ELAPOR1: variants seen among roughly 807,000 people sequenced by gnomAD.
ELAPOR1 encodes endosome-lysosome associated apoptosis and autophagy regulator 1.
A neutral mutation model predicts 119.7 loss-of-function variants in ELAPOR1; 77 were observed. The ratio of observed to expected loss-of-function variants is 0.64; its 90% CI spans 0.54 to 0.78. The LOEUF (loss-of-function observed/expected upper bound fraction) is 0.78, where lower values mean the gene tolerates loss of function less well. ELAPOR1 is among the 30% of genes least tolerant of loss of function. The probability of loss-of-function intolerance (pLI) is 0.00; values close to 1 mark genes in which losing one functional copy is unlikely to be tolerated. For missense variants in ELAPOR1, 1,115 were observed against 1,270.4 expected (o/e 0.88, Z 1.86); for synonymous variants, 481 against 487.2 (o/e 0.99, Z 0.17).
chr1:109,165,183 T>G (rs761919758), intron 3 of ELAPOR1, among the ~76,000 whole-genome samples: 1 of 152,108 alleles, frequency 6.6e-6, no homozygotes. Flanking sequence ...TCCCAGCTAC[T>G]CGAGAGGCTG....
At position 109,135,201 on chromosome 1, in the gene ELAPOR1, T is replaced by C. The variant is rs569071917; in HGVS notation, c.153+20865T>C. 7.2e-5 allele frequency among the ~76,000 whole-genome samples: 11 copies of C among 152,274 alleles called. No homozygotes were observed. The South Asian group carries it at 2.1e-3, about 29-fold the overall frequency. ...CAGATTGGTAGGCCTACTCCAGAGATTCTGATTCAATGGGTCAGTGAGAGA... is the reference window on the plus strand; with the variant it reads ...CAGATTGGTAGGCCTACTCCAGAGACTCTGATTCAATGGGTCAGTGAGAGA... On this transcript the variant is annotated intron_variant, in intron 1 of 21. Transcript: ENST00000369939.
chr1:109,192,672 ATGGTG>A lies in ELAPOR1; in HGVS notation c.1749_1753del (p.Val584LeufsTer12), dbSNP rs759016594. The A allele has an allele frequency of 6.2e-7, 1 of 1,614,050 alleles. No homozygotes were observed. Among genetic ancestry groups the A allele is most frequent in the South Asian group, 1.1e-5 (1 of 91,074 alleles). On this transcript the variant is annotated frameshift_variant, in exon 14 of 22. Coordinates refer to ENST00000369939, the MANE Select transcript of ELAPOR1 (RefSeq NM_020775.5). LOFTEE classifies it high-confidence loss of function. ...TCCATCAATGTCACCAATGTTATGAATGGTGTGGCCTCCTACTGCCGTCCCTGTGC... is the reference window on the plus strand; with the variant it reads ...TCCATCAATGTCACCAATGTTATGAATGGCCTCCTACTGCCGTCCCTGTGC...
intron 1 of ELAPOR1, among the ~76,000 whole-genome samples, chr1:109,158,718 C>A (rs1651050035): frequency 6.6e-6 from 1 of 152,052 alleles, no homozygotes; most frequent in Non-Finnish European, 1.5e-5. Context: ...TTATGTGCTC[C>A]TTTGTAGACC....
chr1:109,134,462 C>A (rs1019366383), intron 1 of ELAPOR1, among the ~76,000 whole-genome samples: 2 of 152,118 alleles, frequency 1.3e-5, no homozygotes, highest in Non-Finnish European at 2.9e-5. Flanking sequence ...GCCACCAAGA[C>A]CCCCAAGAAG....
At chr1:109,165,621 A>G (rs934901102) in intron 3 of ELAPOR1, among the ~76,000 whole-genome samples, 9 of 151,678 alleles carry the variant, frequency 5.9e-5, no homozygotes, top group Non-Finnish European at 1.3e-4. Context: ...AACAAAAACC[A>G]AAAAAACCAA....
intron 1 of ELAPOR1, among the ~76,000 whole-genome samples, chr1:109,119,733 A>T (rs1182792183): frequency 1.3e-5 from 2 of 152,074 alleles, no homozygotes; most frequent in Non-Finnish European, 2.9e-5. Flanking sequence ...GTTAATAGAC[A>T]TTTGGGTTTC....
intron 3 of ELAPOR1, among the ~76,000 whole-genome samples, chr1:109,169,252 T>A (rs185343320): frequency 6.6e-6 from 1 of 152,294 alleles, no homozygotes; most frequent in East Asian, 1.9e-4. Flanking sequence ...TTATTATTAT[T>A]ATTTTGATAT....
chr1:109,124,638 A>G lies in ELAPOR1; in HGVS notation c.153+10302A>G, dbSNP rs1304283899. 2.0e-5 allele frequency among the ~76,000 whole-genome samples: 3 copies of G among 152,074 alleles called. No individual in the cohort carries two copies. The East Asian group carries it at 5.8e-4, about 29-fold the overall frequency. Reference sequence around the variant, plus strand: ...ATTTCATATTGTTCCCTATTTCTCCATTTATCTTTTGGAGAAATTGCATCA... The same window carrying G: ...ATTTCATATTGTTCCCTATTTCTCCGTTTATCTTTTGGAGAAATTGCATCA... On this transcript the variant is annotated intron_variant, in intron 1 of 21. Coordinates refer to ENST00000369939, the MANE Select transcript of ELAPOR1 (RefSeq NM_020775.5).
rs749910787 is a variant in ELAPOR1 at position 109,192,613 on chromosome 1, C to A, written c.1686C>A (p.Ser562Arg). ...CCCTCTTGTTTCCTTGTCTCCAGAG[C>A]AGGAAGTACACCAATGACGTTGCCA... ...AFQRTTFHEA[S>R]RKYTNDVAKI... Residue 562 changes from serine (S) to arginine (R), a missense_variant and splice_region_variant, in exon 14 of 22, where the codon AGC becomes AGA. Physicochemically the swap from Ser to Arg is moderately radical, Grantham distance 110. Transcript: ENST00000369939. The A allele has an allele frequency of 2.4e-5, 39 of 1,613,868 alleles. No homozygotes were observed. The highest frequency in any genetic ancestry group is 3.1e-5 in the Non-Finnish European group (37 of 1,179,916).
Position 109,189,675 on chromosome 1 carries a change from G to A in ELAPOR1, c.1432G>A (p.Gly478Arg), listed in dbSNP as rs976467423. 1 of 1,613,856 alleles carries A rather than the reference G, an allele frequency of 6.2e-7. No homozygotes were observed. Among genetic ancestry groups the A allele is most frequent in the Non-Finnish European group, 8.5e-7 (1 of 1,179,794 alleles). The change falls in exon 11 of 22, where the codon GGA becomes AGA. Residue 478 changes from glycine to arginine, a missense_variant. Coordinates refer to ENST00000369939, the MANE Select transcript of ELAPOR1 (RefSeq NM_020775.5). ...CATGATTCTCACTCTGGTTGTGCCA[G>A]GATTTAGGTGAGGAATCCAAAGCCC... ...DFMILTLVVP[G>R]FRPPQSVMAD...
rs1432727394 is a variant in ELAPOR1, at chr1:109,121,774, T to A, written c.153+7438T>A. Reference sequence around the variant, plus strand: ...GAGGTCTTCTTTGCCTGTGTATTACTTTTTTTTTTTTTTTTTTGAGACAGA... The same window carrying A: ...GAGGTCTTCTTTGCCTGTGTATTACATTTTTTTTTTTTTTTTTGAGACAGA... On this transcript the variant is annotated intron_variant, in intron 1 of 21. Coordinates refer to ENST00000369939, the MANE Select transcript of ELAPOR1 (RefSeq NM_020775.5). 4.0e-4 allele frequency among the ~76,000 whole-genome samples: 30 copies of A among 74,430 alleles called. 1 individual carries two copies. Among genetic ancestry groups the A allele is most frequent in the Middle Eastern group, 0.013 (2 of 154 alleles). 48.8% of individuals were successfully genotyped at this position (74,430 alleles called of 152,430 possible). A position where few individuals can be genotyped will look rare whatever the true frequency, so the allele number is the denominator to read the frequency against.
chr1:109,188,724 G>A (rs1412331610), intron 9 of ELAPOR1, among the ~76,000 whole-genome samples: 1 of 152,188 alleles, frequency 6.6e-6, no homozygotes, highest in East Asian at 1.9e-4. Flanking sequence ...GCCTTGGGGG[G>A]ATTTGAGTAC....
At position 109,144,061 on chromosome 1, in the gene ELAPOR1, A is replaced by ATATATATATATTTTTTTT; in HGVS notation, c.154-17832_154-17831insATATATATATTTTTTTTT. On this transcript the variant is annotated intron_variant, in intron 1 of 21. Coordinates refer to ENST00000369939, the MANE Select transcript of ELAPOR1 (RefSeq NM_020775.5). ...TATATATATATATATATATTTATAT[A>ATATATATATATTTTTTTT]TTTTTTTTTTTTTTTGAGATGGAGT... Among the ~76,000 whole-genome samples, 23 of 88,984 alleles carry ATATATATATATTTTTTTT rather than the reference A, an allele frequency of 2.6e-4. 1 individual carries two copies. Among genetic ancestry groups the ATATATATATATTTTTTTT allele is most frequent in the Non-Finnish European group, 4.2e-4 (20 of 47,398 alleles). The allele number at this position is 88,984 out of a possible 152,430, so 58.4% of individuals were successfully genotyped here. A position where few individuals can be genotyped will look rare whatever the true frequency, so the allele number is the denominator to read the frequency against.
chr1:109,170,666 C>T (rs1397474496), intron 3 of ELAPOR1, among the ~76,000 whole-genome samples: 1 of 152,162 alleles, frequency 6.6e-6, no homozygotes, highest in Admixed American at 6.5e-5. Context: ...ATCCTAAGGG[C>T]CACAGGGAGT....
chr1:109,123,007 A>G (rs921981982), intron 1 of ELAPOR1, among the ~76,000 whole-genome samples: 9 of 152,184 alleles, frequency 5.9e-5, no homozygotes, highest in African/African-American at 1.7e-4. Context: ...TTATTGTCTT[A>G]AACAGGACCC....
intron 7 of ELAPOR1, among the ~76,000 whole-genome samples, chr1:109,179,749 T>C (rs1652583095): frequency 6.6e-6 from 1 of 151,542 alleles, no homozygotes; most frequent in South Asian, 2.1e-4. Context: ...CTACTAGAAA[T>C]ACAAAAATTA....
intron 1 of ELAPOR1, among the ~76,000 whole-genome samples, chr1:109,137,527 T>A (rs1192817810): frequency 6.7e-6 from 1 of 148,426 alleles, no homozygotes; most frequent in East Asian, 2.0e-4. Context: ...TTATTTATTT[T>A]ATTTTATTTT....
rs1654462169 is a variant in ELAPOR1 at position 109,205,943 on chromosome 1, C to T, written c.*2931C>T. On this transcript the variant is annotated 3_prime_UTR_variant, in exon 22 of 22. Transcript: ENST00000369939. ...CATATTACACAATTCACCTTTAAAA[C>T]ATACGATTCAATGGTTTTCAGCAAA... is the stretch of plus-strand genomic sequence containing the variant. The T allele has an allele frequency of 6.6e-6, 1 of 152,142 alleles. No homozygotes were observed. The highest frequency in any genetic ancestry group is 2.1e-4 in the South Asian group (1 of 4,828). 9.4% of individuals were successfully genotyped at this position (152,142 alleles called of 1,614,324 possible). A position where few individuals can be genotyped will look rare whatever the true frequency, so the allele number is the denominator to read the frequency against.
chr1:109,140,373 A>G (rs1649754110), intron 1 of ELAPOR1, among the ~76,000 whole-genome samples: 1 of 152,206 alleles, frequency 6.6e-6, no homozygotes, highest in South Asian at 2.1e-4. Context: ...AAGAGAGGAA[A>G]GACTGAAGAG....
Sources: allele counts gnomAD v4.1 joint callset (sites outside exome capture counted in the v4.1 genomes callset), GRCh38; gene constraint gnomAD v4.1.1; transcripts MANE v1.5; gene names NCBI Gene and HGNC (gene_info 2026-07-23, HGNC 2026-07-21).